The following SLC22A11 variants were observed in gnomAD, a reference collection of about 807,000 sequenced individuals.
The protein encoded by SLC22A11 is organic anion transporter 4.
In SLC22A11, 42 loss-of-function variants were observed where a neutral mutation model predicts 49.4. That is an observed-to-expected ratio of 0.85 (90% CI 0.66 to 1.10). The LOEUF (loss-of-function observed/expected upper bound fraction) is 1.10. Among genes scored for constraint, SLC22A11 ranks in the 50% least tolerant of loss-of-function variants. The probability of loss-of-function intolerance (pLI) is 0.00; values close to 1 mark genes in which losing one functional copy is unlikely to be tolerated. For synonymous variants in SLC22A11, 304 were observed against 315.8 expected, an observed-to-expected ratio of 0.96 and a Z score of 0.40; for missense variants, 685 against 731.6, an observed-to-expected ratio of 0.94 and a Z score of 0.74.
Position 64,569,741 on chromosome 11 carries a change from T to G in SLC22A11, c.1472T>G (p.Leu491Arg), listed in dbSNP as rs759662226. Residue 491 changes from leucine to arginine, a missense_variant, in exon 9 of 10, where the codon CTG becomes CGG. Leu to Arg is a moderately radical substitution (Grantham distance 102). Transcript: ENST00000301891. ...LILMSRQALPLLPPLLYGVIS... is the reference protein window; with the variant it reads ...LILMSRQALPRLPPLLYGVIS... ...CTGATGAGCCGCCAAGCCCTGCCCCTGCTGCCTCCTCTCCTCTATGGCGTT... is the reference window on the plus strand; with the variant it reads ...CTGATGAGCCGCCAAGCCCTGCCCCGGCTGCCTCCTCTCCTCTATGGCGTT... 8.1e-6 allele frequency: 13 copies of G among 1,614,198 alleles called. No individual in the cohort carries two copies. The highest frequency in any genetic ancestry group is 1.1e-5 in the Non-Finnish European group (13 of 1,180,036).
intron 2 of SLC22A11, 26 bp from the exon 3 acceptor site, chr11:64,561,978 C>G (rs1299467287): frequency 6.3e-7 from 1 of 1,598,408 alleles, no homozygotes; most frequent in Non-Finnish European, 8.5e-7. Flanking sequence ...CCTCTCCAGG[C>G]CCCGTGTGCT....
Position 64,562,479 on chromosome 11 carries a change from G to C in SLC22A11, c.821+44G>C, listed in dbSNP as rs1306562520. 1.3e-6 allele frequency: 2 copies of C among 1,493,292 alleles called. No homozygotes were observed. Among genetic ancestry groups the C allele is most frequent in the Admixed American group, 4.6e-5 (2 of 43,880 alleles). The allele number at this position is 1,493,292 out of a possible 1,614,324, so 92.5% of individuals were successfully genotyped here. A position where few individuals can be genotyped will look rare whatever the true frequency, so the allele number is the denominator to read the frequency against. On this transcript the variant is annotated intron_variant, in intron 4 of 9. Transcript: ENST00000301891. This position sits in a 1 kb window ranked among gnomAD's most constrained non-coding sequence, Gnocchi z 4.4. ...CTTTTCCTTAGGAGACCCAGGGTGG[G>C]AGGGGGACTCTTCACTTTCACCTCT...
At chr11:64,569,988 C>A in intron 9 of SLC22A11, 130 bp downstream of exon 9, 1 of 770,018 alleles carries the variant, frequency 1.3e-6, no homozygotes, top group Non-Finnish European at 2.1e-6. Flanking sequence ...TTTAATCTTT[C>A]CAACAATCCT....
At chr11:64,563,055 G>A (rs564102038) in intron 4 of SLC22A11, among the ~76,000 whole-genome samples, 2 of 152,324 alleles carry the variant, frequency 1.3e-5, no homozygotes, top group East Asian at 3.9e-4. Context: ...TTGGCACTGA[G>A]GAAGGAGACA....
At position 64,561,371 on chromosome 11, in the gene SLC22A11, G is replaced by A. The variant is rs138120129; in HGVS notation, c.498-633G>A. On this transcript the variant is annotated intron_variant, in intron 2 of 9. Transcript: ENST00000301891. ...GGGGAAACTGAGGCTCAGAGATGTC[G>A]AATCACATGCCCAGGGTCACCCAGG... Among the ~76,000 whole-genome samples, 1,030 of 152,290 alleles carry A rather than the reference G, an allele frequency of 6.8e-3. 8 individuals carry two copies. Among genetic ancestry groups the A allele is most frequent in the African/African-American group, 0.023 (951 of 41,552 alleles).
chr11:64,557,636 T>C (rs1208385378), intron 1 of SLC22A11, among the ~76,000 whole-genome samples: 2 of 142,626 alleles, frequency 1.4e-5, no homozygotes, highest in Non-Finnish European at 3.1e-5. Context: ...TCTTTTTTTT[T>C]TTTTTTTTTT....
chr11:64,563,769 A>C (rs887191788), intron 4 of SLC22A11, among the ~76,000 whole-genome samples: 5 of 151,838 alleles, frequency 3.3e-5, no homozygotes, highest in African/African-American at 4.8e-5. Context: ...AATACAAAAA[A>C]ATTAGCCATG....
intron 2 of SLC22A11, among the ~76,000 whole-genome samples, chr11:64,561,235 C>A (rs965418848): frequency 2.6e-5 from 4 of 152,216 alleles, no homozygotes; most frequent in Admixed American, 2.0e-4. Flanking sequence ...CAGGTGAGAG[C>A]AGTGGATTGC....
At chr11:64,566,403 G>A (rs1054561242) in intron 6 of SLC22A11, 1 of 151,460 alleles carries the variant, frequency 6.6e-6, no homozygotes, top group Non-Finnish European at 1.5e-5. Context: ...TAGATCAAAT[G>A]CCTTTTTTAA....
In SLC22A11 at chr11:64,562,227, G is replaced by T; in HGVS notation, c.653-40G>T. 1 of 1,599,318 alleles carries T rather than the reference G, an allele frequency of 6.3e-7. No homozygotes were observed. Among genetic ancestry groups the T allele is most frequent in the Non-Finnish European group, 8.5e-7 (1 of 1,170,474 alleles). Reference sequence around the variant, plus strand: ...GGCAGGAGAGAATGGGGCTCAGGCCGCCGCATGAGGCCTCACCTGCACGTG... The same window carrying T: ...GGCAGGAGAGAATGGGGCTCAGGCCTCCGCATGAGGCCTCACCTGCACGTG... On this transcript the variant is annotated intron_variant, in intron 3 of 9. Coordinates refer to ENST00000301891, the MANE Select transcript of SLC22A11 (RefSeq NM_018484.4). The surrounding 1 kb of genome is among the most constrained non-coding windows in gnomAD (Gnocchi z 4.4).
Position 64,565,545 on chromosome 11 carries a change from G to C in SLC22A11, c.1058+208G>C. Reference sequence around the variant, plus strand: ...GGACTATGCACAGGTGGGATCTGGAGGCTGCCATCTGCAGGAAGCCAGAGG... The same window carrying C: ...GGACTATGCACAGGTGGGATCTGGACGCTGCCATCTGCAGGAAGCCAGAGG... On this transcript the variant is annotated intron_variant, in intron 6 of 9. Transcript: ENST00000301891. This position sits in a 1 kb window ranked among gnomAD's most constrained non-coding sequence, Gnocchi z 4.1. 1.6e-6 allele frequency: 1 copy of C among 643,264 alleles called. No individual in the cohort carries two copies. Among genetic ancestry groups the C allele is most frequent in the Non-Finnish European group, 2.9e-6 (1 of 347,540 alleles). 39.8% of individuals were successfully genotyped at this position (643,264 alleles called of 1,614,324 possible). A position where few individuals can be genotyped will look rare whatever the true frequency, so the allele number is the denominator to read the frequency against.
At position 64,559,125 on chromosome 11, in the gene SLC22A11, C is replaced by A; in HGVS notation, c.394-10C>A. On this transcript the variant is annotated splice_polypyrimidine_tract_variant and intron_variant, in intron 1 of 9. Transcript: ENST00000301891. Reference sequence around the variant, plus strand: ...CCCCCGAGCTGAGCCACTGCACCCTCCTCTTGCAGTGGGACCTGGTGTGCA... The same window carrying A: ...CCCCCGAGCTGAGCCACTGCACCCTACTCTTGCAGTGGGACCTGGTGTGCA... 1 of 1,610,284 alleles carries A rather than the reference C, an allele frequency of 6.2e-7. No individual in the cohort carries two copies. The highest frequency in any genetic ancestry group is 2.2e-5 in the East Asian group (1 of 44,842).
At chr11:64,559,107 G>A in intron 1 of SLC22A11, 28 bp from the exon 2 acceptor site, 1 of 1,598,030 alleles carries the variant, frequency 6.3e-7, no homozygotes, top group Non-Finnish European at 8.6e-7. Context: ...TACCCCCCGA[G>A]CTGAGCCACT....
At position 64,556,173 on chromosome 11, in the gene SLC22A11, T is replaced by C. The variant is rs763544824; in HGVS notation, c.174T>C (p.Ser58=). The change falls in exon 1 of 10, where the codon TCT becomes TCC. Residue 58 remains serine, a synonymous_variant. Transcript: ENST00000301891. The part of the protein sequence containing the change: ...RCWTHMLDNG[S]AVSTNMTPKA... ...GGACACACATGCTGGACAATGGCTC[T>C]GCGGTTTCCACAAACATGACCCCCA... is the stretch of plus-strand genomic sequence containing the variant. The C allele has an allele frequency of 2.5e-6, 4 of 1,614,182 alleles. No individual in the cohort carries two copies. In the Admixed American group the frequency reaches 5.0e-5, roughly 20 times the overall value.
At chr11:64,568,333 G>C (rs2038655994) in intron 7 of SLC22A11, among the ~76,000 whole-genome samples, 1 of 152,164 alleles carries the variant, frequency 6.6e-6, no homozygotes, top group African/African-American at 2.4e-5. Flanking sequence ...GCTGTGGACC[G>C]GGCCCGGCGC....
chr11:64,568,666 C>A lies in SLC22A11; in HGVS notation c.1274-4C>A, dbSNP rs947892347. The A allele has an allele frequency of 1.9e-6, 3 of 1,613,826 alleles. No homozygotes were observed. Among genetic ancestry groups the A allele is most frequent in the Non-Finnish European group, 2.5e-6 (3 of 1,179,772 alleles). On this transcript the variant is annotated splice_region_variant and splice_polypyrimidine_tract_variant and intron_variant, in intron 7 of 9. Transcript: ENST00000301891. ...CCCCACTCTCACCCCCTTCCTGTAC[C>A]CAGATTTGCAGACCCTGCGTGTGGT... is the stretch of plus-strand genomic sequence containing the variant.
intron 6 of SLC22A11, among the ~76,000 whole-genome samples, chr11:64,567,205 T>C (rs1398037462): frequency 6.6e-6 from 1 of 152,120 alleles, no homozygotes; most frequent in African/African-American, 2.4e-5. Context: ...CCTGCCATGA[T>C]TCCCATCTTC....
In SLC22A11 at chr11:64,571,583, G is replaced by C. The variant is rs987863199; in HGVS notation, c.*541G>C. On this transcript the variant is annotated 3_prime_UTR_variant, in exon 10 of 10. Coordinates refer to ENST00000301891, the MANE Select transcript of SLC22A11 (RefSeq NM_018484.4). ...GGCACGCAGCCAAGGAGGCGTGTGG[G>C]GTCTGAAACTCAGCCCCGGCTACAC... 2 of 153,568 alleles carry C rather than the reference G, an allele frequency of 1.3e-5. No homozygotes were observed. The highest frequency in any genetic ancestry group is 4.8e-5 in the African/African-American group (2 of 41,456). The allele number at this position is 153,568 out of a possible 1,614,324, so 9.5% of individuals were successfully genotyped here.
chr11:64,568,585 T>G, intron 7 of SLC22A11, 85 bp from the exon 8 acceptor site: 1 of 1,137,998 alleles, frequency 8.8e-7, no homozygotes, highest in Non-Finnish European at 1.3e-6. Flanking sequence ...GGGTCCCCTC[T>G]GCTCCAGGCT....
Sources: gnomAD v4.1 joint callset for allele counts (sites outside exome capture counted in the v4.1 genomes callset) on GRCh38, gnomAD v4.1.1 for gene constraint, Gnocchi (gnomAD v3.1) non-coding constraint, MANE v1.5 for transcripts, NCBI Gene and HGNC (gene_info 2026-07-23, HGNC 2026-07-21) for gene names.